The following COL4A6 variants were observed in gnomAD, a reference collection of about 807,000 sequenced individuals.
The protein encoded by COL4A6 is collagen alpha-6(IV) chain.
Under a neutral mutation model 126.7 loss-of-function variants are expected in COL4A6, and 59 were observed. The ratio of observed to expected loss-of-function variants is 0.47; its 90% CI spans 0.38 to 0.58. The LOEUF is 0.58. COL4A6 is among the 20% of genes least tolerant of loss of function. COL4A6 has a pLI of 0.00. For missense variants in COL4A6, 1,285 were observed against 1,337.3 expected (o/e 0.96, Z 0.61); for synonymous variants, 547 against 496.6 (o/e 1.10, Z -1.35).
intron 5 of COL4A6, among the ~76,000 whole-genome samples, chrX:108,217,800 G>A (rs937149669): frequency 3.6e-5 from 4 of 111,776 alleles, no homozygotes; most frequent in Non-Finnish European, 7.5e-5. Context: ...CTGCAGCTAG[G>A]GCAATCAGAA....
intron 41 of COL4A6, 52 bp downstream of exon 41, chrX:108,162,840 C>T: frequency 9.1e-7 from 1 of 1,101,442 alleles, no homozygotes; most frequent in Non-Finnish European, 1.2e-6. Context: ...AGCCTCTCAG[C>T]CAAACTGTCT....
chrX:108,169,813 A>T, intron 36 of COL4A6, 132 bp downstream of exon 36: 2 of 827,255 alleles, frequency 2.4e-6, no homozygotes, highest in Non-Finnish European at 3.4e-6. Context: ...AGGGACCTCA[A>T]ATTGGAGGTT....
rs752820899 is a variant in COL4A6, at chrX:108,192,581, C to T, written c.1073-1G>A. 8.6e-7 allele frequency: 1 copy of T among 1,164,531 alleles called. No homozygotes were observed. Among genetic ancestry groups the T allele is most frequent in the African/African-American group, 1.8e-5 (1 of 57,108 alleles). On this transcript the variant is annotated splice_acceptor_variant, in intron 17 of 44. Transcript: ENST00000334504. LOFTEE classifies it high-confidence loss of function. ...GGTACACCAGGATCTCCAGGATTAC[C>T]TGGCATTGTAATGAAAGAAAATAGT...
chrX:108,409,216 A>G (rs1369274015), intron 2 of COL4A6, among the ~76,000 whole-genome samples: 1 of 111,874 alleles, frequency 8.9e-6, no homozygotes, highest in African/African-American at 3.3e-5. Flanking sequence ...TTTGTAGAAG[A>G]CAATTACCTT....
intron 27 of COL4A6, among the ~76,000 whole-genome samples, chrX:108,178,455 G>C (rs1490282079): frequency 1.8e-5 from 2 of 112,581 alleles, no homozygotes; most frequent in Non-Finnish European, 3.8e-5. Flanking sequence ...TGGAGGAGGC[G>C]GGGGGAGGGG....
At chrX:108,405,812 A>C (rs1267864188) in intron 2 of COL4A6, among the ~76,000 whole-genome samples, 1 of 111,285 alleles carries the variant, frequency 9.0e-6, no homozygotes, top group Non-Finnish European at 1.9e-5. Context: ...CTTACATCCA[A>C]AGCTGATGTC....
chrX:108,176,942 G>A lies in COL4A6; in HGVS notation c.2585C>T (p.Pro862Leu), dbSNP rs1399647928. 1 of 1,211,594 alleles carries A rather than the reference G, an allele frequency of 8.3e-7. No individual in the cohort carries two copies. The highest frequency in any genetic ancestry group is 2.2e-5 in the Admixed American group (1 of 46,094). The change falls in exon 28 of 45, where the codon CCA becomes CTA. Residue 862 changes from proline to leucine, a missense_variant. Physicochemically the swap from Pro to Leu is moderately conservative, Grantham distance 98. Coordinates refer to ENST00000334504, the MANE Select transcript of COL4A6 (RefSeq NM_033641.4). ...PPGSIVKKGL[P>L]GLKGLPGNPG... ...ATTTCCAGGAAGGCCTTTTAGCCCTGGCAGCCCTTTCTTTACAATTGATCC... is the reference window on the plus strand; with the variant it reads ...ATTTCCAGGAAGGCCTTTTAGCCCTAGCAGCCCTTTCTTTACAATTGATCC...
intron 2 of COL4A6, among the ~76,000 whole-genome samples, chrX:108,383,001 T>TAATAATAATAAA (rs1556300855): frequency 2.2e-4 from 23 of 103,950 alleles, no homozygotes; most frequent in African/African-American, 5.6e-4. Flanking sequence ...ATAATAATAA[T>TAATAATAATAAA]AAACCCTTTT....
intron 2 of COL4A6, among the ~76,000 whole-genome samples, chrX:108,336,603 T>C (rs1355179233): frequency 9.0e-6 from 1 of 111,101 alleles, no homozygotes; most frequent in African/African-American, 3.3e-5. Flanking sequence ...ATGCCATGAA[T>C]TGTACTGTTT....
intron 5 of COL4A6, among the ~76,000 whole-genome samples, chrX:108,216,982 T>C (rs2035875526): frequency 8.9e-6 from 1 of 112,584 alleles, no homozygotes; most frequent in Admixed American, 9.4e-5. Flanking sequence ...ACACATTTCT[T>C]GTGGATGCCA....
At chrX:108,223,880 A>G (rs1365820831) in intron 3 of COL4A6, among the ~76,000 whole-genome samples, 1 of 111,633 alleles carries the variant, frequency 9.0e-6, no homozygotes, top group Admixed American at 9.5e-5. Context: ...TGTTATTACT[A>G]GCAGAGAGGA....
At chrX:108,225,524 T>C (rs926623793) in intron 3 of COL4A6, among the ~76,000 whole-genome samples, 10 of 112,473 alleles carry the variant, frequency 8.9e-5, no homozygotes, top group Non-Finnish European at 1.7e-4. Context: ...GGGAATGAGT[T>C]GGGACTTGTG....
At chrX:108,433,008 G>T (rs775906375) in intron 2 of COL4A6, among the ~76,000 whole-genome samples, 111 of 111,819 alleles carry the variant, frequency 9.9e-4, no homozygotes, top group African/African-American at 3.5e-3. Context: ...TTGAAAGAGG[G>T]CTGTTTGCCT....
intron 14 of COL4A6, among the ~76,000 whole-genome samples, chrX:108,195,385 C>T (rs1369847501): frequency 1.8e-5 from 2 of 110,979 alleles, no homozygotes; most frequent in African/African-American, 3.3e-5. Context: ...GATTCTCCTG[C>T]CTCAGCCCCC....
At chrX:108,300,366 C>CTCTCTCTG (rs1337028378) in intron 3 of COL4A6, among the ~76,000 whole-genome samples, 1 of 98,169 alleles carries the variant, frequency 1.0e-5, no homozygotes, top group East Asian at 3.5e-4. Flanking sequence ...CTCTCTCTCT[C>CTCTCTCTG]TGTGTGTGTG....
At chrX:108,295,294 C>A (rs1418514977) in intron 3 of COL4A6, among the ~76,000 whole-genome samples, 2 of 111,890 alleles carry the variant, frequency 1.8e-5, no homozygotes, top group Non-Finnish European at 3.8e-5. Flanking sequence ...CCCTTGGGCT[C>A]TATCAACACT....
intron 28 of COL4A6, among the ~76,000 whole-genome samples, chrX:108,176,428 T>C (rs1478558348): frequency 9.2e-6 from 1 of 108,752 alleles, no homozygotes; most frequent in Non-Finnish European, 1.9e-5. Flanking sequence ...AGCTTTAGCC[T>C]CGTTCTGCTG....
chrX:108,171,543 T>G lies in COL4A6; in HGVS notation c.3203-82A>C, dbSNP rs745348808. 7 of 861,434 alleles carry G rather than the reference T, an allele frequency of 8.1e-6. No homozygotes were observed. In the South Asian group the frequency reaches 1.7e-4, roughly 20 times the overall value. The allele number at this position is 861,434 out of a possible 1,213,427, so 71.0% of individuals were successfully genotyped here. A position where few individuals can be genotyped will look rare whatever the true frequency, so the allele number is the denominator to read the frequency against. On this transcript the variant is annotated intron_variant, in intron 32 of 44. Coordinates refer to ENST00000334504, the MANE Select transcript of COL4A6 (RefSeq NM_033641.4). ...CCACTGAGATCTTTTGAACACATTTTTTTTTTCAGATTCAGTGTAGCCAGA... is the reference window on the plus strand; with the variant it reads ...CCACTGAGATCTTTTGAACACATTTGTTTTTTCAGATTCAGTGTAGCCAGA...
chrX:108,362,411 T>C (rs2040108341), intron 2 of COL4A6, among the ~76,000 whole-genome samples: 1 of 111,930 alleles, frequency 8.9e-6, no homozygotes, highest in Non-Finnish European at 1.9e-5. Flanking sequence ...ACAGGCATGT[T>C]GATGTGTACT....
Sources: gnomAD v4.1 joint callset for allele counts (sites outside exome capture counted in the v4.1 genomes callset) on GRCh38, gnomAD v4.1.1 for gene constraint, MANE v1.5 for transcripts, NCBI Gene and HGNC (gene_info 2026-07-23, HGNC 2026-07-21) for gene names.